APBB2: variants seen among roughly 807,000 people sequenced by gnomAD.
The protein encoded by APBB2 is amyloid beta precursor protein binding family B member 2.
APBB2 carries 38 observed loss-of-function variants against 82.5 expected under a neutral mutation model. The observed-to-expected ratio is 0.46, with a 90% CI of 0.36 to 0.60. APBB2 has a LOEUF of 0.60. Ranked by LOEUF, APBB2 falls within the 20% of genes least tolerant of loss-of-function variation. APBB2 has a pLI of 0.00. For synonymous variants in APBB2, 341 were observed against 368.2 expected (o/e 0.93, Z 0.85); for missense variants, 772 against 972.3 (o/e 0.79, Z 2.74).
intron 4 of APBB2, among the ~76,000 whole-genome samples, chr4:41,045,618 T>A (rs957466640): frequency 6.6e-6 from 1 of 152,228 alleles, no homozygotes; most frequent in African/African-American, 2.4e-5. Flanking sequence ...ATTGAGCGTG[T>A]CTTCTGGTAT....
chr4:41,208,170 C>T (rs868557206), intron 1 of APBB2, among the ~76,000 whole-genome samples: 14 of 152,196 alleles, frequency 9.2e-5, no homozygotes, highest in Admixed American at 4.6e-4. Flanking sequence ...TCAACAATGG[C>T]ATTTCCCTTT....
chr4:41,105,708 C>T (rs1029024623), intron 2 of APBB2, among the ~76,000 whole-genome samples: 4 of 152,028 alleles, frequency 2.6e-5, no homozygotes, highest in African/African-American at 9.7e-5. Context: ...CACAGTGAAA[C>T]CCCGTCTCTA....
At chr4:41,157,583 C>T (rs920216708) in intron 1 of APBB2, among the ~76,000 whole-genome samples, 1 of 152,218 alleles carries the variant, frequency 6.6e-6, no homozygotes, top group African/African-American at 2.4e-5. Flanking sequence ...ACAACTGCTG[C>T]AATGCATGGA....
At chr4:40,848,136 A>G (rs1192504229) in intron 12 of APBB2, among the ~76,000 whole-genome samples, 1 of 152,222 alleles carries the variant, frequency 6.6e-6, no homozygotes, top group Non-Finnish European at 1.5e-5. Context: ...CCATCTAGAT[A>G]CAAGTATTTC....
chr4:41,005,840 T>C (rs749329478), intron 6 of APBB2, among the ~76,000 whole-genome samples: 1 of 152,236 alleles, frequency 6.6e-6, no homozygotes, highest in African/African-American at 2.4e-5. Context: ...TCCCCAGATC[T>C]CCATCACTGA....
intron 4 of APBB2, among the ~76,000 whole-genome samples, chr4:41,037,837 T>A (rs866053292): frequency 2.0e-5 from 3 of 152,110 alleles, no homozygotes; most frequent in African/African-American, 7.2e-5. Context: ...GGCCAACATG[T>A]GAAACCCCAT....
At chr4:41,072,989 C>A (rs1352239699) in intron 3 of APBB2, among the ~76,000 whole-genome samples, 1 of 152,192 alleles carries the variant, frequency 6.6e-6, no homozygotes, top group Non-Finnish European at 1.5e-5. Flanking sequence ...AAGAGATCTA[C>A]AAATACGAAT....
chr4:41,167,225 G>A (rs978034866), intron 1 of APBB2, among the ~76,000 whole-genome samples: 50 of 152,326 alleles, frequency 3.3e-4, no homozygotes, highest in African/African-American at 2.2e-4. Flanking sequence ...CAGCACCTCC[G>A]TGTGCTCACC....
chr4:40,956,280 G>C (rs368720349), intron 6 of APBB2, among the ~76,000 whole-genome samples: 68 of 152,258 alleles, frequency 4.5e-4, no homozygotes, highest in East Asian at 4.1e-3. Context: ...TTTAGATCAT[G>C]AATAGGTTTG....
chr4:41,020,596 G>A (rs1306514327), intron 5 of APBB2, among the ~76,000 whole-genome samples: 12 of 152,162 alleles, frequency 7.9e-5, no homozygotes, highest in Non-Finnish European at 1.2e-4. Flanking sequence ...AACCCAGGGC[G>A]TTCAGTCCAT....
At chr4:40,973,577 A>C (rs1266488534) in intron 6 of APBB2, among the ~76,000 whole-genome samples, 1 of 152,210 alleles carries the variant, frequency 6.6e-6, no homozygotes, top group African/African-American at 2.4e-5. Flanking sequence ...GCTGTACCAA[A>C]GTATCACAAA....
At chr4:40,874,404 T>C (rs1766317776) in intron 12 of APBB2, among the ~76,000 whole-genome samples, 1 of 152,126 alleles carries the variant, frequency 6.6e-6, no homozygotes, top group Admixed American at 6.5e-5. Flanking sequence ...ACCAAAGAAG[T>C]AGAGATTTCC....
intron 12 of APBB2, among the ~76,000 whole-genome samples, chr4:40,835,184 G>A (rs1196672535): frequency 2.0e-5 from 3 of 151,934 alleles, no homozygotes; most frequent in African/African-American, 7.2e-5. Context: ...GCTGAGGCAG[G>A]AGAATCGCTT....
intron 2 of APBB2, among the ~76,000 whole-genome samples, chr4:41,117,468 T>A (rs1006089354): frequency 6.6e-6 from 1 of 151,930 alleles, no homozygotes; most frequent in African/African-American, 2.4e-5. Flanking sequence ...AATTTTTGTA[T>A]TTTTGATAAA....
chr4:40,900,756 CTT>C (rs71988912), intron 10 of APBB2, among the ~76,000 whole-genome samples: 68 of 129,984 alleles, frequency 5.2e-4, no homozygotes, highest in Admixed American at 6.3e-4. Context: ...TGAGCCCGGG[CTT>C]TTTTTTTTTT....
At chr4:40,831,681 A>C (rs1236182429) in intron 12 of APBB2, among the ~76,000 whole-genome samples, 2 of 152,206 alleles carry the variant, frequency 1.3e-5, no homozygotes, top group African/African-American at 2.4e-5. Flanking sequence ...GTTGAAGGGC[A>C]ATCACAGGGA....
Position 41,189,763 on chromosome 4 carries a change from C to T in APBB2, c.-417+24642G>A, listed in dbSNP as rs546025412. Among the ~76,000 whole-genome samples, 18 of 152,296 alleles carry T rather than the reference C, an allele frequency of 1.2e-4. 1 individual carries two copies. Among genetic ancestry groups the T allele is most frequent in the Admixed American group, 1.0e-3 (16 of 15,276 alleles). ...GTGGTCCTTACATAGTAAGTCATTT[C>T]CTTTCTTCTTCTTTCTCTAACACCC... is the stretch of plus-strand genomic sequence containing the variant. On this transcript the variant is annotated intron_variant, in intron 1 of 17. Coordinates refer to ENST00000508593, the MANE Select transcript of APBB2 (RefSeq NM_004307.2).
intron 1 of APBB2, among the ~76,000 whole-genome samples, chr4:41,156,091 TA>T (rs919221129): frequency 2.4e-3 from 329 of 139,664 alleles, no homozygotes; most frequent in Middle Eastern, 7.3e-3. Context: ...CTCAGAGACT[TA>T]AAAAAAAAAA....
At chr4:40,860,551 G>A (rs1458546120) in intron 12 of APBB2, among the ~76,000 whole-genome samples, 1 of 152,166 alleles carries the variant, frequency 6.6e-6, no homozygotes, top group Non-Finnish European at 1.5e-5. Flanking sequence ...TCTTCCTTGG[G>A]CTGATTTTAA....
Sources: gnomAD v4.1 joint callset for allele counts (sites outside exome capture counted in the v4.1 genomes callset) on GRCh38, gnomAD v4.1.1 for gene constraint, MANE v1.5 for transcripts, NCBI Gene and HGNC (gene_info 2026-07-23, HGNC 2026-07-21) for gene names.